The following HMGCLL1 variants were observed in gnomAD, a reference collection of about 807,000 sequenced individuals.
HMGCLL1 encodes the protein 3-hydroxymethyl-3-methylglutaryl-CoA lyase, cytoplasmic.
A neutral mutation model predicts 39.1 loss-of-function variants in HMGCLL1; 36 were observed. The observed-to-expected ratio is 0.92, with a 90% CI of 0.71 to 1.22. HMGCLL1 has a LOEUF of 1.22. Among genes scored for constraint, HMGCLL1 ranks in the 50% most tolerant of loss-of-function variants. HMGCLL1 has a pLI of 0.00. For missense variants in HMGCLL1, 451 were observed against 416.5 expected (o/e 1.08, Z -0.72); for synonymous variants, 149 against 144.0 (o/e 1.03, Z -0.25).
chr6:55,609,022 G>A, the HMGCLL1 span, among the ~76,000 whole-genome samples: 44,985 of 152,168 alleles, frequency 0.3, 7,216 homozygotes, highest in East Asian at 0.41. Context: ...TACCCAGCCA[G>A]GGAAACCATG....
chr6:55,614,508 C>G, the HMGCLL1 span, among the ~76,000 whole-genome samples: 1 of 152,060 alleles, frequency 6.6e-6, no homozygotes, highest in Non-Finnish European at 1.5e-5. Flanking sequence ...TTAGTTATAG[C>G]GGCCCAAGCT....
chr6:55,676,560 C>T, the HMGCLL1 span, among the ~76,000 whole-genome samples: 1 of 152,150 alleles, frequency 6.6e-6, no homozygotes, highest in Non-Finnish European at 1.5e-5. Context: ...AGCATTCCTC[C>T]CACTTATTAC....
chr6:55,527,624 G>C (rs903576166), intron 3 of HMGCLL1, among the ~76,000 whole-genome samples: 1 of 152,014 alleles, frequency 6.6e-6, no homozygotes, highest in Non-Finnish European at 1.5e-5. Flanking sequence ...ACTTATAACA[G>C]ATGATGACAC....
the HMGCLL1 span, among the ~76,000 whole-genome samples, chr6:55,648,328 A>G: frequency 6.6e-6 from 1 of 150,828 alleles, no homozygotes; most frequent in Non-Finnish European, 1.5e-5. Flanking sequence ...GAGCAAACAC[A>G]TTCAAAAGCT....
intron 1 of HMGCLL1, among the ~76,000 whole-genome samples, chr6:55,565,063 AG>A (rs1034962276): frequency 2.0e-5 from 3 of 152,078 alleles, no homozygotes; most frequent in African/African-American, 7.2e-5. Context: ...ATATATTAAA[AG>A]AAAAAAGTTA....
chr6:55,562,148 G>A (rs1181197357), intron 1 of HMGCLL1, among the ~76,000 whole-genome samples: 1 of 152,078 alleles, frequency 6.6e-6, no homozygotes, highest in East Asian at 1.9e-4. Context: ...TGAGATTGTA[G>A]GATGAAAAGG....
At chr6:55,664,860 C>A in the HMGCLL1 span, among the ~76,000 whole-genome samples, 4 of 151,620 alleles carry the variant, frequency 2.6e-5, no homozygotes, top group Non-Finnish European at 4.4e-5. Context: ...TATGGCAAAT[C>A]CTCACTACAT....
intron 7 of HMGCLL1, among the ~76,000 whole-genome samples, chr6:55,487,403 C>T (rs538877725): frequency 6.6e-5 from 10 of 152,098 alleles, no homozygotes; most frequent in South Asian, 6.2e-4. Flanking sequence ...CCTATCAACC[C>T]GTCACCTACA....
chr6:55,636,907 C>CT, the HMGCLL1 span, among the ~76,000 whole-genome samples: 27 of 152,236 alleles, frequency 1.8e-4, no homozygotes, highest in African/African-American at 6.3e-4. Context: ...GTACAAAGGG[C>CT]TTCCTGCAGT....
At chr6:55,535,910 C>T (rs952376900) in intron 3 of HMGCLL1, among the ~76,000 whole-genome samples, 1 of 152,186 alleles carries the variant, frequency 6.6e-6, no homozygotes, top group Non-Finnish European at 1.5e-5. Context: ...GTCAAAATCA[C>T]CTCCTTCTTT....
At chr6:55,623,521 T>C in the HMGCLL1 span, among the ~76,000 whole-genome samples, 1 of 151,778 alleles carries the variant, frequency 6.6e-6, no homozygotes, top group East Asian at 1.9e-4. Context: ...TGCAAGAGCA[T>C]AATGTTTGAT....
chr6:55,621,861 A>G, the HMGCLL1 span, among the ~76,000 whole-genome samples: 20 of 151,972 alleles, frequency 1.3e-4, no homozygotes, highest in African/African-American at 4.8e-4. Context: ...TCTGTTATAC[A>G]TGACTTTTAT....
the HMGCLL1 span, among the ~76,000 whole-genome samples, chr6:55,623,948 A>T: frequency 6.6e-6 from 1 of 151,930 alleles, no homozygotes; most frequent in African/African-American, 2.4e-5. Context: ...CCTGAGCTAA[A>T]ACTTTATTAA....
At chr6:55,661,846 G>A in the HMGCLL1 span, among the ~76,000 whole-genome samples, 4 of 152,012 alleles carry the variant, frequency 2.6e-5, no homozygotes, top group South Asian at 8.3e-4. Flanking sequence ...CTATTCATGA[G>A]CATGAATTGT....
At chr6:55,529,718 A>G (rs1768532847) in intron 3 of HMGCLL1, among the ~76,000 whole-genome samples, 1 of 152,154 alleles carries the variant, frequency 6.6e-6, no homozygotes, top group Non-Finnish European at 1.5e-5. Context: ...CGCCATTTGT[A>G]TGAGTTTGAT....
chr6:55,643,601 C>A, the HMGCLL1 span, among the ~76,000 whole-genome samples: 1 of 151,822 alleles, frequency 6.6e-6, no homozygotes, highest in Non-Finnish European at 1.5e-5. Flanking sequence ...CACCTTCCCC[C>A]ACTCCCCACC....
the HMGCLL1 span, among the ~76,000 whole-genome samples, chr6:55,597,242 TA>T: frequency 6.6e-6 from 1 of 152,102 alleles, no homozygotes; most frequent in African/African-American, 2.4e-5. Flanking sequence ...TATTTCAATT[TA>T]AAAATTCTGA....
At chr6:55,570,549 A>T (rs933853969) in intron 1 of HMGCLL1, among the ~76,000 whole-genome samples, 1 of 152,086 alleles carries the variant, frequency 6.6e-6, no homozygotes, top group African/African-American at 2.4e-5. Context: ...GATGATTGGT[A>T]TCCTTCATAT....
At chr6:55,627,322 G>A in the HMGCLL1 span, among the ~76,000 whole-genome samples, 1,204 of 152,022 alleles carry the variant, frequency 7.9e-3, 5 homozygotes, top group Non-Finnish European at 0.014. Context: ...CTTCTTGTCA[G>A]CATTTAAGTA....
Sources: allele counts gnomAD v4.1 joint callset (sites outside exome capture counted in the v4.1 genomes callset), GRCh38; gene constraint gnomAD v4.1.1; transcripts MANE v1.5; gene names NCBI Gene and HGNC (gene_info 2026-07-23, HGNC 2026-07-21).